DNAJB6: variants seen among roughly 807,000 people sequenced by gnomAD.
DNAJB6 encodes DnaJ heat shock protein family (Hsp40) member B6.
In DNAJB6, 16 loss-of-function variants were observed where a neutral mutation model predicts 42.7. That is an observed-to-expected ratio of 0.37 (90% CI 0.25 to 0.57). The LOEUF (loss-of-function observed/expected upper bound fraction) is 0.57, where lower values mean the gene tolerates loss of function less well. Ranked by LOEUF, DNAJB6 falls within the 20% of genes least tolerant of loss-of-function variation. The pLI, the probability that DNAJB6 is intolerant of heterozygous loss-of-function variation, is 0.74. For missense variants in DNAJB6, 347 were observed against 416.8 expected, an observed-to-expected ratio of 0.83 and a Z score of 1.46; for synonymous variants, 170 against 163.5, an observed-to-expected ratio of 1.04 and a Z score of -0.30.
intron 1 of DNAJB6, chr7:157,337,803 C>T (rs1426272568): frequency 6.6e-6 from 1 of 152,206 alleles, no homozygotes; most frequent in African/African-American, 2.4e-5. Context: ...TAACTCTTAC[C>T]TAAGGAAGGT....
intron 5 of DNAJB6, among the ~76,000 whole-genome samples, chr7:157,374,178 G>A (rs1050061769): frequency 9.9e-5 from 15 of 152,228 alleles, no homozygotes; most frequent in Admixed American, 6.5e-5. Flanking sequence ...TCTGGTGAGA[G>A]TTTCTTGGAG....
chr7:157,348,692 C>T (rs141749225), intron 1 of DNAJB6, among the ~76,000 whole-genome samples: 7 of 152,248 alleles, frequency 4.6e-5, no homozygotes, highest in East Asian at 1.9e-4. Flanking sequence ...TTCACACCAC[C>T]GCTTAACTCT....
intron 1 of DNAJB6, among the ~76,000 whole-genome samples, chr7:157,342,181 T>A (rs1363052111): frequency 6.6e-6 from 1 of 151,574 alleles, no homozygotes; most frequent in Admixed American, 6.6e-5. Context: ...ATAATAATTT[T>A]TTTTGAGACA....
chr7:157,362,169 T>A (rs563753730), intron 2 of DNAJB6, among the ~76,000 whole-genome samples: 2 of 152,304 alleles, frequency 1.3e-5, no homozygotes, highest in Non-Finnish European at 2.9e-5. Context: ...GTGTTTTAAC[T>A]CTGTTTAGAT....
intron 1 of DNAJB6, chr7:157,337,735 G>T (rs931959852): frequency 2.0e-5 from 3 of 152,230 alleles, no homozygotes; most frequent in African/African-American, 7.2e-5. Flanking sequence ...GCTTTGCTTT[G>T]CGTTAAAGAA....
At chr7:157,375,758 G>A (rs1800440427) in intron 5 of DNAJB6, among the ~76,000 whole-genome samples, 1 of 152,210 alleles carries the variant, frequency 6.6e-6, no homozygotes, top group Non-Finnish European at 1.5e-5. Flanking sequence ...TGAGTGCCTG[G>A]TTTTGAGAGG....
intron 5 of DNAJB6, chr7:157,381,240 T>A (rs1290600846): frequency 1.3e-5 from 2 of 152,196 alleles, no homozygotes; most frequent in African/African-American, 4.8e-5. Context: ...CTCCCTGCTT[T>A]GGTTGCTCTG....
intron 5 of DNAJB6, among the ~76,000 whole-genome samples, chr7:157,370,158 C>T (rs953376352): frequency 1.4e-5 from 2 of 140,688 alleles, no homozygotes; most frequent in African/African-American, 2.8e-5. Flanking sequence ...TTAAACGGGC[C>T]CCTTCTTAAC....
At chr7:157,377,706 C>G (rs1303758323) in intron 5 of DNAJB6, among the ~76,000 whole-genome samples, 1 of 152,196 alleles carries the variant, frequency 6.6e-6, no homozygotes, top group Admixed American at 6.5e-5. Flanking sequence ...GATCCAAATG[C>G]TAATCTCATC....
At chr7:157,379,973 G>A in intron 5 of DNAJB6, 1 of 151,890 alleles carries the variant, frequency 6.6e-6, no homozygotes, top group East Asian at 1.9e-4. Context: ...CACCACTCCT[G>A]GCTAACTTTT....
At position 157,416,203 on chromosome 7, in the gene DNAJB6, C is replaced by T. The variant is rs534203597; in HGVS notation, c.*105C>T. 38 of 1,507,216 alleles carry T rather than the reference C, an allele frequency of 2.5e-5. No individual in the cohort carries two copies. The highest frequency in any genetic ancestry group is 1.5e-4 in the East Asian group (6 of 40,544). The allele number at this position is 1,507,216 out of a possible 1,614,324, so 93.4% of individuals were successfully genotyped here. On this transcript the variant is annotated 3_prime_UTR_variant, in exon 10 of 10. Transcript: ENST00000262177. ...GTAGCAGCGTCGGTCAGGACTGTCT[C>T]GAGGCCACACTCGCTCGGCAGGATT...
intron 9 of DNAJB6, chr7:157,413,538 A>C (rs1034978607): frequency 1.3e-5 from 2 of 152,182 alleles, no homozygotes; most frequent in Non-Finnish European, 2.9e-5. Flanking sequence ...GTCGTTTTCT[A>C]TCAGGACAAG....
intron 2 of DNAJB6, among the ~76,000 whole-genome samples, chr7:157,361,523 T>A (rs1037491720): frequency 1.3e-5 from 2 of 152,192 alleles, no homozygotes; most frequent in Non-Finnish European, 2.9e-5. Context: ...CCAGCTTTAA[T>A]CAGATTTTAG....
intron 5 of DNAJB6, among the ~76,000 whole-genome samples, chr7:157,375,090 T>A (rs774015227): frequency 6.6e-6 from 1 of 152,164 alleles, no homozygotes; most frequent in Non-Finnish European, 1.5e-5. Context: ...GAAGAGTGAT[T>A]TAAACTTGAG....
At chr7:157,366,672 C>A in intron 4 of DNAJB6, 111 bp downstream of exon 4, 1 of 994,500 alleles carries the variant, frequency 1.0e-6, no homozygotes, top group Non-Finnish European at 1.5e-6. Flanking sequence ...AATAGAGATG[C>A]AACGTAGAAA....
intron 9 of DNAJB6, chr7:157,410,354 C>T (rs1795930349): frequency 2.3e-6 from 1 of 428,472 alleles, no homozygotes. Flanking sequence ...TGGCTTAGGC[C>T]GGGTGGTCTC....
chr7:157,404,641 A>G (rs923989295), intron 8 of DNAJB6, among the ~76,000 whole-genome samples: 1 of 151,308 alleles, frequency 6.6e-6, no homozygotes, highest in East Asian at 2.0e-4. Flanking sequence ...CTCCCGAGTA[A>G]CTGGGACTAC....
At chr7:157,361,141 T>C (rs1356926086) in intron 2 of DNAJB6, among the ~76,000 whole-genome samples, 1 of 151,250 alleles carries the variant, frequency 6.6e-6, no homozygotes, top group Admixed American at 6.6e-5. Flanking sequence ...CATTTAGGGT[T>C]ATTTGATCCA....
chr7:157,366,453 A>T, intron 3 of DNAJB6, 49 bp from the exon 4 acceptor site: 1 of 1,522,442 alleles, frequency 6.6e-7, no homozygotes, highest in Non-Finnish European at 9.1e-7. Flanking sequence ...CTATTGAATT[A>T]AGGGTTTAAA....
Sources: allele counts gnomAD v4.1 joint callset (sites outside exome capture counted in the v4.1 genomes callset), GRCh38; gene constraint gnomAD v4.1.1; transcripts MANE v1.5; gene names NCBI Gene and HGNC (gene_info 2026-07-23, HGNC 2026-07-21).